ZNF711: variants seen among roughly 807,000 people sequenced by gnomAD.
The protein encoded by ZNF711 is zinc finger protein 711.
A neutral mutation model predicts 43.5 loss-of-function variants in ZNF711; 3 were observed. The observed-to-expected ratio is 0.07, with a 90% CI of 0.03 to 0.18. The LOEUF is 0.18. ZNF711 is among the 10% of genes least tolerant of loss of function. ZNF711 has a pLI of 1.00. For missense variants in ZNF711, 412 were observed against 604.0 expected, an observed-to-expected ratio of 0.68 and a Z score of 3.33; for synonymous variants, 209 against 207.7, an observed-to-expected ratio of 1.01 and a Z score of -0.06.
intron 6 of ZNF711, 51 bp from the exon 7 acceptor site, chrX:85,265,067 G>T (rs1460057604): frequency 6.5e-6 from 7 of 1,076,741 alleles, no homozygotes; most frequent in Non-Finnish European, 9.0e-6. Flanking sequence ...ATTAATTTAG[G>T]TGGTTATTCC....
At chrX:85,254,538 C>G (rs1223689989) in intron 4 of ZNF711, among the ~76,000 whole-genome samples, 1 of 62,905 alleles carries the variant, frequency 1.6e-5, no homozygotes, top group East Asian at 5.2e-4. Context: ...ACCCGGGAAG[C>G]GGAGCTTGCA....
At chrX:85,270,280 GTT>G (rs200962174) in intron 10 of ZNF711, 134 bp downstream of exon 10, 59,107 of 461,365 alleles carry the variant, frequency 0.13, 1,428 homozygotes, top group African/African-American at 0.19. Flanking sequence ...ATAGATAATT[GTT>G]TTTTTTTTTT....
intron 5 of ZNF711, among the ~76,000 whole-genome samples, chrX:85,260,286 T>C (rs1434032222): frequency 3.7e-5 from 4 of 109,011 alleles, no homozygotes; most frequent in Admixed American, 2.0e-4. Flanking sequence ...GCTGTTGAAT[T>C]TAGTTTACTA....
intron 5 of ZNF711, among the ~76,000 whole-genome samples, chrX:85,257,398 C>G (rs1482611627): frequency 9.0e-6 from 1 of 111,330 alleles, no homozygotes; most frequent in Non-Finnish European, 1.9e-5. Context: ...GTTTAGACTT[C>G]TCTTATAAGT....
At chrX:85,269,244 A>G (rs767637819) in intron 9 of ZNF711, among the ~76,000 whole-genome samples, 129 of 111,669 alleles carry the variant, frequency 1.2e-3, no homozygotes, top group African/African-American at 4.0e-3. Flanking sequence ...ATGGTTCAGT[A>G]ATATGTCTAC....
In ZNF711 at chrX:85,265,159, C is replaced by T. The variant is rs1264454542; in HGVS notation, c.820C>T (p.His274Tyr). 1 of 1,207,841 alleles carries T rather than the reference C, an allele frequency of 8.3e-7. No individual in the cohort carries two copies. The highest frequency in any genetic ancestry group is 1.1e-6 in the Non-Finnish European group (1 of 892,793). The change falls in exon 7 of 11, where the codon CAT becomes TAT. Residue 274 changes from histidine to tyrosine, a missense_variant. By Grantham distance (83) the His-to-Tyr change is moderately conservative. Coordinates refer to ENST00000674551, the MANE Select transcript of ZNF711 (RefSeq NM_001330574.2). ...IVTESEYTSG[H>Y]SVAGVLDQSR... is the part of the protein sequence containing the mutation. ...CACAGAGAGTGAGTACACCAGTGGA[C>T]ATTCAGTAGCTGGAGTGCTTGACCA...
chrX:85,264,181 C>A, intron 5 of ZNF711, 94 bp from the exon 6 acceptor site: 1 of 687,702 alleles, frequency 1.5e-6, no homozygotes. Context: ...TACACTTCAG[C>A]TTAACACCCA....
intron 5 of ZNF711, among the ~76,000 whole-genome samples, chrX:85,257,564 G>T (rs1930276249): frequency 8.9e-6 from 1 of 112,054 alleles, no homozygotes; most frequent in East Asian, 2.8e-4. Context: ...CCTTTATCCA[G>T]TCCACTGTTG....
chrX:85,271,452 A>G lies in ZNF711; in HGVS notation c.2048A>G (p.His683Arg). The change falls in exon 11 of 11, where the codon CAT becomes CGT. Residue 683 changes from histidine (H) to arginine (R), a missense_variant. This residue lies in a region of ZNF711 where 375 missense variants were observed against 514.2 expected (regional missense o/e 0.73). Coordinates refer to ENST00000674551, the MANE Select transcript of ZNF711 (RefSeq NM_001330574.2). ...CATCGTCCTTCTGAGCTCAAAAAGC[A>G]TAGTGATATCCATAAGGGTAGGAAG... is the stretch of plus-strand genomic sequence containing the variant. ...GFHRPSELKKHSDIHKGRKIH... is the reference protein window; with the variant it reads ...GFHRPSELKKRSDIHKGRKIH... 8.3e-7 allele frequency: 1 copy of G among 1,211,482 alleles called. No homozygotes were observed. Among genetic ancestry groups the G allele is most frequent in the Non-Finnish European group, 1.1e-6 (1 of 895,308 alleles).
chrX:85,256,863 T>C (rs777122116), intron 5 of ZNF711, among the ~76,000 whole-genome samples: 1 of 111,818 alleles, frequency 8.9e-6, no homozygotes, highest in Admixed American at 9.5e-5. Flanking sequence ...TAAATAGATA[T>C]AGATTACTAA....
chrX:85,250,318 C>T (rs905830941), intron 4 of ZNF711, among the ~76,000 whole-genome samples: 5 of 111,318 alleles, frequency 4.5e-5, no homozygotes, highest in Non-Finnish European at 9.4e-5. Context: ...TATACCTATA[C>T]ACAATTATAG....
intron 5 of ZNF711, among the ~76,000 whole-genome samples, chrX:85,256,429 T>A (rs1268886486): frequency 8.9e-6 from 1 of 111,773 alleles, no homozygotes. Flanking sequence ...TTTTAAATGA[T>A]GGGTTTATGA....
At chrX:85,248,269 A>G (rs1327590897) in intron 4 of ZNF711, among the ~76,000 whole-genome samples, 2 of 108,361 alleles carry the variant, frequency 1.8e-5, no homozygotes, top group East Asian at 5.8e-4. Context: ...AGAGATTGAA[A>G]TCATTCTGGC....
Position 85,267,397 on chromosome X carries a change from G to A in ZNF711, c.1036G>A (p.Val346Ile). The change falls in exon 8 of 11, where the codon GTC becomes ATC. Residue 346 changes from valine (V) to isoleucine (I), a missense_variant. This residue lies in a region of ZNF711 where 375 missense variants were observed against 514.2 expected (regional missense o/e 0.73). Coordinates refer to ENST00000674551, the MANE Select transcript of ZNF711 (RefSeq NM_001330574.2). ...SDVNKTVVPVVWAAAYGDERR... is the reference protein window; with the variant it reads ...SDVNKTVVPVIWAAAYGDERR... ...TGTTAATAAAACAGTTGTCCCTGTT[G>A]TCTGGGCTGCGGCATATGGTAGGAT... is the stretch of plus-strand genomic sequence containing the variant. 2 of 1,134,743 alleles carry A rather than the reference G, an allele frequency of 1.8e-6. No individual in the cohort carries two copies. The highest frequency in any genetic ancestry group is 2.3e-6 in the Non-Finnish European group (2 of 863,285). The allele number at this position is 1,134,743 out of a possible 1,213,427, so 93.5% of individuals were successfully genotyped here. A position where few individuals can be genotyped will look rare whatever the true frequency, so the allele number is the denominator to read the frequency against.
Position 85,268,317 on chromosome X carries a change from A to T in ZNF711, c.1078A>T (p.Arg360Trp). ...AGGAGATGAAAGAAGAGTTTCCCGAAGGTATGAAGATTGTCAAGCATCAGG... is the reference window on the plus strand; with the variant it reads ...AGGAGATGAAAGAAGAGTTTCCCGATGGTATGAAGATTGTCAAGCATCAGG... ...AYGDERRVSR[R>W]YEDCQASGNT... Residue 360 changes from arginine (R) to tryptophan (W), a missense_variant, in exon 9 of 11, where the codon AGG becomes TGG. Physicochemically the swap from Arg to Trp is moderately radical, Grantham distance 101 (BLOSUM62 -3). This residue lies in a region of ZNF711 where 375 missense variants were observed against 514.2 expected (regional missense o/e 0.73). Coordinates refer to ENST00000674551, the MANE Select transcript of ZNF711 (RefSeq NM_001330574.2). The T allele has an allele frequency of 8.5e-7, 1 of 1,176,129 alleles. No individual in the cohort carries two copies. The highest frequency in any genetic ancestry group is 1.1e-6 in the Non-Finnish European group (1 of 876,085).
At position 85,264,501 on chromosome X, in the gene ZNF711, T is replaced by A. The variant is rs1008112480; in HGVS notation, c.778+71T>A. 4 of 996,021 alleles carry A rather than the reference T, an allele frequency of 4.0e-6. No individual in the cohort carries two copies. In the African/African-American group the frequency reaches 7.8e-5, roughly 19 times the overall value. The allele number at this position is 996,021 out of a possible 1,213,427, so 82.1% of individuals were successfully genotyped here. On this transcript the variant is annotated intron_variant, in intron 6 of 10. Transcript: ENST00000674551. Reference sequence around the variant, plus strand: ...TTATTATATTTTCTGGGGACTAGTCTAAAAATGTTCTCAAAGCATGGGTTT... The same window carrying A: ...TTATTATATTTTCTGGGGACTAGTCAAAAAATGTTCTCAAAGCATGGGTTT...
chrX:85,263,452 T>G (rs1930843131), intron 5 of ZNF711, among the ~76,000 whole-genome samples: 1 of 111,184 alleles, frequency 9.0e-6, no homozygotes, highest in Non-Finnish European at 1.9e-5. Flanking sequence ...TATACAAAAT[T>G]CATGGCTTGA....
intron 5 of ZNF711, 144 bp downstream of exon 5, chrX:85,255,945 G>A (rs952366505): frequency 3.8e-6 from 2 of 531,390 alleles, no homozygotes; most frequent in Middle Eastern, 5.7e-4. Context: ...TCATTAAGAT[G>A]CTGTTTTGAG....
At chrX:85,255,106 T>A (rs1172698040) in intron 4 of ZNF711, among the ~76,000 whole-genome samples, 153 bp from the exon 5 acceptor site, 1 of 112,555 alleles carries the variant, frequency 8.9e-6, no homozygotes, top group Non-Finnish European at 1.9e-5. Context: ...GTGATTTTAA[T>A]TGCAGTTAAA....
Sources: gnomAD v4.1 joint callset for allele counts (sites outside exome capture counted in the v4.1 genomes callset) on GRCh38, gnomAD v4.1.1 for gene constraint, gnomAD v4.1.1 regional missense constraint, MANE v1.5 for transcripts, NCBI Gene and HGNC (gene_info 2026-07-23, HGNC 2026-07-21) for gene names.